The following ADARB2 variants were observed in gnomAD, a reference collection of about 807,000 sequenced individuals.
ADARB2 encodes the protein adenosine deaminase RNA specific B2 (inactive).
In ADARB2, 25 loss-of-function variants were observed where a neutral mutation model predicts 62.2. The observed-to-expected ratio is 0.40, with a 90% CI of 0.29 to 0.56. The LOEUF (loss-of-function observed/expected upper bound fraction) is 0.56. ADARB2 is among the 20% of genes least tolerant of loss of function. The pLI, the probability that ADARB2 is intolerant of heterozygous loss-of-function variation, is 0.43. For synonymous variants in ADARB2, 572 were observed against 500.8 expected, an observed-to-expected ratio of 1.14 and a Z score of -1.90; for missense variants, 1,071 against 1,077.4, an observed-to-expected ratio of 0.99 and a Z score of 0.08.
In ADARB2 at chr10:1,363,056, C is replaced by T. The variant is rs1378749395; in HGVS notation, c.1049G>A (p.Gly350Asp). ...CGGCATTGGCGTCCTCCTGGCCCTG[C>T]CGGGCGCGTGGCCGGGCATCTGGAT... The part of the protein sequence containing the change: ...FDIQMPGHAP[G>D]RARRTPMPQE... Residue 350 changes from glycine (G) to aspartate (D), a missense_variant, in exon 3 of 10, where the codon GGC becomes GAC. Physicochemically the swap from Gly to Asp is moderately conservative, Grantham distance 94 (BLOSUM62 -1). Transcript: ENST00000381312. The T allele has an allele frequency of 2.1e-6, 3 of 1,439,518 alleles. No individual in the cohort carries two copies. Among genetic ancestry groups the T allele is most frequent in the African/African-American group, 1.5e-5 (1 of 67,974 alleles). The allele number at this position is 1,439,518 out of a possible 1,614,324, so 89.2% of individuals were successfully genotyped here.
intron 1 of ADARB2, among the ~76,000 whole-genome samples, chr10:1,672,735 G>GCTCCTGCCTCCCTCCACGCACGGAAAGT (rs141051793): frequency 1.4e-5 from 2 of 146,868 alleles, no homozygotes; most frequent in African/African-American, 2.5e-5. Flanking sequence ...GCACCGCAAG[G>GCTCCTGCCTCCCTCCACGCACGGAAAGT]CTCCTGCCTC....
intron 3 of ADARB2, among the ~76,000 whole-genome samples, chr10:1,315,870 G>C (rs920483414): frequency 6.6e-6 from 1 of 152,196 alleles, no homozygotes; most frequent in Admixed American, 6.5e-5. Context: ...GATTTTAAAA[G>C]ATTTAAAATG....
intron 7 of ADARB2, among the ~76,000 whole-genome samples, chr10:1,213,980 T>C (rs1432270029): frequency 2.0e-5 from 2 of 102,138 alleles, no homozygotes; most frequent in East Asian, 2.8e-4. Flanking sequence ...TCATGTAGGT[T>C]TGTACCTGTG....
In ADARB2 at chr10:1,363,935, C is replaced by G; in HGVS notation, c.188-18G>C. On this transcript the variant is annotated intron_variant, in intron 2 of 9. Transcript: ENST00000381312. ...GCTGGTACCTGGAGGGGAGAACAGACCAGTCAGGAGCCTGGGCGGGCGCCG... is the reference window on the plus strand; with the variant it reads ...GCTGGTACCTGGAGGGGAGAACAGAGCAGTCAGGAGCCTGGGCGGGCGCCG... 6.9e-7 allele frequency: 1 copy of G among 1,442,352 alleles called. No individual in the cohort carries two copies. The highest frequency in any genetic ancestry group is 9.0e-7 in the Non-Finnish European group (1 of 1,108,032). 89.3% of individuals were successfully genotyped at this position (1,442,352 alleles called of 1,614,324 possible).
chr10:1,644,948 G>C lies in ADARB2; in HGVS notation c.100+92103C>G, dbSNP rs201484893. 8.5e-5 allele frequency among the ~76,000 whole-genome samples: 13 copies of C among 152,286 alleles called. No individual in the cohort carries two copies. In the East Asian group the frequency reaches 2.3e-3, roughly 27 times the overall value. On this transcript the variant is annotated intron_variant, in intron 1 of 9. Transcript: ENST00000381312. ...AAGCAGTTTTAAGAGTGCGTGTCAC[G>C]CCTATACAAACACACAAAAAAGAGG...
At chr10:1,372,368 A>G (rs1564272445) in intron 2 of ADARB2, among the ~76,000 whole-genome samples, 2 of 152,170 alleles carry the variant, frequency 1.3e-5, no homozygotes, top group African/African-American at 4.8e-5. Context: ...AATGTTCACT[A>G]TTTGGGTAAT....
chr10:1,320,886 A>G (rs1831789140), intron 3 of ADARB2, among the ~76,000 whole-genome samples: 1 of 152,176 alleles, frequency 6.6e-6, no homozygotes, highest in Non-Finnish European at 1.5e-5. Context: ...GGCATTGTGG[A>G]TGTGCAGTGC....
At chr10:1,425,944 C>T (rs761207695) in intron 1 of ADARB2, among the ~76,000 whole-genome samples, 6 of 152,120 alleles carry the variant, frequency 3.9e-5, no homozygotes, top group South Asian at 2.1e-4. Flanking sequence ...GAGAATGACC[C>T]GACGTGGAGC....
At chr10:1,295,621 C>T (rs375174676) in intron 3 of ADARB2, among the ~76,000 whole-genome samples, 53 of 144,784 alleles carry the variant, frequency 3.7e-4, no homozygotes, top group Middle Eastern at 6.8e-3. Context: ...TCTCTTGATA[C>T]GATTTTGGAT....
intron 1 of ADARB2, among the ~76,000 whole-genome samples, chr10:1,430,893 C>G (rs1276032993): frequency 6.6e-6 from 1 of 152,184 alleles, no homozygotes; most frequent in Non-Finnish European, 1.5e-5. Context: ...ATGTTCCAAA[C>G]AACAAAACAT....
At chr10:1,481,207 A>G (rs896609283) in intron 1 of ADARB2, among the ~76,000 whole-genome samples, 1 of 152,264 alleles carries the variant, frequency 6.6e-6, no homozygotes, top group Non-Finnish European at 1.5e-5. Context: ...CAACTAGTCA[A>G]TGCAGAAAGG....
chr10:1,231,784 C>T (rs548566457), intron 6 of ADARB2, among the ~76,000 whole-genome samples: 2 of 152,272 alleles, frequency 1.3e-5, no homozygotes, highest in African/African-American at 4.8e-5. Context: ...CCGTATCCAG[C>T]CATCCCAAAG....
chr10:1,390,243 G>T (rs1832558750), intron 1 of ADARB2, among the ~76,000 whole-genome samples: 1 of 152,224 alleles, frequency 6.6e-6, no homozygotes, highest in Non-Finnish European at 1.5e-5. Flanking sequence ...TTTACATAAA[G>T]TTCCAGGAGG....
At chr10:1,312,022 C>T (rs142879206) in intron 3 of ADARB2, among the ~76,000 whole-genome samples, 10 of 152,296 alleles carry the variant, frequency 6.6e-5, no homozygotes, top group East Asian at 1.9e-4. Flanking sequence ...TTCTGCTTCA[C>T]GAGCACTACC....
chr10:1,566,244 G>T (rs1832861311), intron 1 of ADARB2, among the ~76,000 whole-genome samples: 1 of 152,024 alleles, frequency 6.6e-6, no homozygotes, highest in Admixed American at 6.6e-5. Flanking sequence ...GATTTGCCAG[G>T]GACAGACCCA....
intron 1 of ADARB2, among the ~76,000 whole-genome samples, chr10:1,391,138 C>T (rs35155296): frequency 0.27 from 41,614 of 152,024 alleles, 6,746 homozygotes; most frequent in Non-Finnish European, 0.36. Context: ...AGTCAAATAC[C>T]TGAAGAGCCC....
chr10:1,457,826 C>A (rs1831114194), intron 1 of ADARB2, among the ~76,000 whole-genome samples: 1 of 151,704 alleles, frequency 6.6e-6, no homozygotes, highest in Admixed American at 6.6e-5. Flanking sequence ...TGTCAATGAC[C>A]AGCTCGTCTT....
intron 1 of ADARB2, among the ~76,000 whole-genome samples, chr10:1,497,627 A>C (rs1002710286): frequency 2.6e-5 from 4 of 152,262 alleles, no homozygotes; most frequent in Non-Finnish European, 5.9e-5. Context: ...AGGCACAAGC[A>C]TCAGTTATGC....
chr10:1,638,929 AG>A lies in ADARB2; in HGVS notation c.100+98121del, dbSNP rs146938188. Among the ~76,000 whole-genome samples, 276 of 152,334 alleles carry A rather than the reference AG, an allele frequency of 1.8e-3. 6 individuals carry two copies. In the East Asian group the frequency reaches 0.045, roughly 25 times the overall value. On this transcript the variant is annotated intron_variant, in intron 1 of 9. Coordinates refer to ENST00000381312, the MANE Select transcript of ADARB2 (RefSeq NM_018702.4). ...CAAGTCACACAGGTCTTTTTCTTAA[AG>A]GAGGTGGAGAGGCTGCCTTGCCTGC...
Sources: gnomAD v4.1 joint callset for allele counts (sites outside exome capture counted in the v4.1 genomes callset) on GRCh38, gnomAD v4.1.1 for gene constraint, MANE v1.5 for transcripts, NCBI Gene and HGNC (gene_info 2026-07-23, HGNC 2026-07-21) for gene names.